CTNNA2: variants seen among roughly 807,000 people sequenced by gnomAD.
CTNNA2 encodes catenin alpha 2, also known as catenin alpha-2.
Under a neutral mutation model 101.0 loss-of-function variants are expected in CTNNA2, and 42 were observed. The observed-to-expected ratio is 0.42, with a 90% confidence interval of 0.32 to 0.54. The LOEUF is 0.54. CTNNA2 is among the 20% of genes least tolerant of loss of function. The probability of loss-of-function intolerance (pLI) is 0.14; values close to 1 mark genes in which losing one functional copy is unlikely to be tolerated. For synonymous variants in CTNNA2, 450 were observed against 456.4 expected (o/e 0.99, Z 0.18); for missense variants, 871 against 1,223.1 (o/e 0.71, Z 4.29).
At chr2:79,533,466 C>A (rs1192515283) in intron 1 of CTNNA2, among the ~76,000 whole-genome samples, 1 of 152,018 alleles carries the variant, frequency 6.6e-6, no homozygotes, top group Non-Finnish European at 1.5e-5. Context: ...TTTACAGTAT[C>A]TAAAAGTATA....
At chr2:79,899,503 T>C (rs1163191497) in intron 6 of CTNNA2, among the ~76,000 whole-genome samples, 3 of 152,198 alleles carry the variant, frequency 2.0e-5, no homozygotes, top group Middle Eastern at 3.2e-3. Context: ...TTTGCTTTGG[T>C]AAATCACTTT....
intron 7 of CTNNA2, among the ~76,000 whole-genome samples, chr2:80,271,421 CTT>C (rs201098852): frequency 5.7e-5 from 8 of 139,766 alleles, no homozygotes; most frequent in Non-Finnish European, 6.2e-5. Flanking sequence ...TATCCTCAGT[CTT>C]TTTTTTTTTT....
chr2:79,732,066 A>G (rs916474007), intron 2 of CTNNA2, among the ~76,000 whole-genome samples: 2 of 152,096 alleles, frequency 1.3e-5, no homozygotes, highest in African/African-American at 2.4e-5. Context: ...TAAAATGTCT[A>G]TACTAGTGTC....
intron 7 of CTNNA2, among the ~76,000 whole-genome samples, chr2:80,075,667 TGTA>T (rs1698673229): frequency 1.3e-5 from 1 of 78,898 alleles, no homozygotes; most frequent in Non-Finnish European, 2.3e-5. Context: ...TATTTATACA[TGTA>T]TAAATATTAT....
intron 7 of CTNNA2, among the ~76,000 whole-genome samples, chr2:79,987,788 A>G (rs1250565659): frequency 6.6e-6 from 1 of 152,212 alleles, no homozygotes. Flanking sequence ...GCACCCACTT[A>G]AAAGCACTTT....
chr2:79,665,367 A>G (rs1397401235), intron 2 of CTNNA2, among the ~76,000 whole-genome samples: 2 of 152,198 alleles, frequency 1.3e-5, no homozygotes, highest in African/African-American at 4.8e-5. Flanking sequence ...GTATGCATGC[A>G]TACTTGTATG....
intron 7 of CTNNA2, among the ~76,000 whole-genome samples, chr2:80,095,736 G>C (rs1309011205): frequency 2.6e-5 from 4 of 152,110 alleles, no homozygotes; most frequent in African/African-American, 7.2e-5. Context: ...TCTTGGGAGG[G>C]TGTATGTGTC....
At chr2:80,104,220 C>T (rs534673788) in intron 7 of CTNNA2, among the ~76,000 whole-genome samples, 1 of 152,198 alleles carries the variant, frequency 6.6e-6, no homozygotes, top group Non-Finnish European at 1.5e-5. Flanking sequence ...GTTCTCCACT[C>T]GAATCCTGCC....
chr2:79,447,325 A>G (rs1212820900), intron 4 of CTNNA2, among the ~76,000 whole-genome samples: 1 of 151,978 alleles, frequency 6.6e-6, no homozygotes, highest in African/African-American at 2.4e-5. Flanking sequence ...GCCTTATGCT[A>G]TAAAAAAATT....
intron 7 of CTNNA2, among the ~76,000 whole-genome samples, chr2:80,294,289 C>G (rs1376673779): frequency 6.6e-6 from 1 of 152,160 alleles, no homozygotes; most frequent in Non-Finnish European, 1.5e-5. Context: ...AAGAATAATT[C>G]TAAACAGCGC....
chr2:79,695,465 A>G (rs1447283097), intron 2 of CTNNA2, among the ~76,000 whole-genome samples: 2 of 152,018 alleles, frequency 1.3e-5, no homozygotes, highest in African/African-American at 2.4e-5. Context: ...ATACATATTC[A>G]ATAAACTATA....
At chr2:79,778,358 AAAAG>A (rs889258304) in intron 3 of CTNNA2, among the ~76,000 whole-genome samples, 44 of 152,254 alleles carry the variant, frequency 2.9e-4, no homozygotes, top group African/African-American at 1.0e-3. Context: ...AAAAAATAAA[AAAAG>A]GCTTATTCAT....
At chr2:80,127,576 G>C (rs1702205412) in intron 7 of CTNNA2, among the ~76,000 whole-genome samples, 1 of 152,138 alleles carries the variant, frequency 6.6e-6, no homozygotes, top group South Asian at 2.1e-4. Flanking sequence ...ATTCAACCCA[G>C]GTTGTTTAAA....
At chr2:80,597,374 GA>G in intron 15 of CTNNA2, among the ~76,000 whole-genome samples, 1 of 152,072 alleles carries the variant, frequency 6.6e-6, no homozygotes, top group Admixed American at 6.5e-5. Context: ...AAAAACCCTA[GA>G]AGAAAACCTA....
intron 15 of CTNNA2, 114 bp downstream of exon 15, chr2:80,589,599 T>A: frequency 1.0e-6 from 1 of 965,342 alleles, no homozygotes; most frequent in Non-Finnish European, 1.5e-6. Flanking sequence ...CGCAAGGTGG[T>A]GGTATTATAA....
At chr2:80,115,844 A>G (rs1290256329) in intron 7 of CTNNA2, among the ~76,000 whole-genome samples, 1 of 152,140 alleles carries the variant, frequency 6.6e-6, no homozygotes, top group Non-Finnish European at 1.5e-5. Flanking sequence ...GGAGTTCTGA[A>G]ACCTGTTGAC....
At chr2:80,113,747 TG>T (rs1177152074) in intron 7 of CTNNA2, among the ~76,000 whole-genome samples, 1 of 152,218 alleles carries the variant, frequency 6.6e-6, no homozygotes, top group Non-Finnish European at 1.5e-5. Flanking sequence ...TGGACAAGAG[TG>T]GGTTTTTAAA....
chr2:79,527,377 A>G (rs1165363015), intron 1 of CTNNA2, among the ~76,000 whole-genome samples: 1 of 151,262 alleles, frequency 6.6e-6, no homozygotes, highest in Non-Finnish European at 1.5e-5. Context: ...TCACACCTGT[A>G]ATTCCAGCAC....
At chr2:80,009,785 A>T (rs378715) in intron 7 of CTNNA2, among the ~76,000 whole-genome samples, 82,760 of 151,358 alleles carry the variant, frequency 0.55, 24,873 homozygotes, top group East Asian at 0.76. Flanking sequence ...AGAGATTAAG[A>T]CAATACACTC....
Sources: allele counts gnomAD v4.1 joint callset (sites outside exome capture counted in the v4.1 genomes callset), GRCh38; gene constraint gnomAD v4.1.1; transcripts MANE v1.5; gene names NCBI Gene and HGNC (gene_info 2026-07-23, HGNC 2026-07-21).